KLF12: variants seen among roughly 807,000 people sequenced by gnomAD.
KLF12 encodes KLF transcription factor 12.
In KLF12, 9 loss-of-function variants were observed where a neutral mutation model predicts 37.8. The ratio of observed to expected loss-of-function variants is 0.24; its 90% CI spans 0.14 to 0.42. KLF12 has a LOEUF of 0.42. KLF12 is among the 10% of genes least tolerant of loss of function. KLF12 has a pLI of 1.00. For missense variants in KLF12, 411 were observed against 516.0 expected (o/e 0.80, Z 1.97); for synonymous variants, 208 against 202.1 (o/e 1.03, Z -0.25).
At chr13:73,749,039 G>C (rs1163781018) in intron 6 of KLF12, among the ~76,000 whole-genome samples, 2 of 152,154 alleles carry the variant, frequency 1.3e-5, no homozygotes, top group Non-Finnish European at 2.9e-5. Context: ...ATTTCCTATA[G>C]AGTACCTATG....
intron 1 of KLF12, among the ~76,000 whole-genome samples, chr13:74,080,906 A>C (rs1874847236): frequency 6.6e-6 from 1 of 152,226 alleles, no homozygotes; most frequent in African/African-American, 2.4e-5. Context: ...CTCTCTCTCT[A>C]CAACATGCCA....
rs1028834822 is a variant in KLF12, at chr13:73,915,145, T to C, written c.123+28836A>G. ...CTGGCTCCTGTCTGCGTCACTCCAA[T>C]TTCTGTTCCATCCTCACACTGTCTT... On this transcript the variant is annotated intron_variant, in intron 3 of 7. Coordinates refer to ENST00000377669, the MANE Select transcript of KLF12 (RefSeq NM_007249.5). Among the ~76,000 whole-genome samples the C allele has an allele frequency of 6.6e-5, 10 of 152,174 alleles. No homozygotes were observed. In the East Asian group the frequency reaches 1.9e-3, roughly 29 times the overall value.
intron 6 of KLF12, among the ~76,000 whole-genome samples, chr13:73,719,791 G>A (rs894732159): frequency 4.6e-5 from 7 of 151,856 alleles, no homozygotes; most frequent in South Asian, 2.1e-4. Flanking sequence ...TTGTGGAGAC[G>A]GGGTTTTGTT....
chr13:73,915,701 T>A (rs1282030938), intron 3 of KLF12, among the ~76,000 whole-genome samples: 4 of 147,730 alleles, frequency 2.7e-5, no homozygotes, highest in Non-Finnish European at 4.5e-5. Flanking sequence ...TTTTTTTTTT[T>A]TTTTTTTTTT....
chr13:74,178,417 T>A, the KLF12 span, among the ~76,000 whole-genome samples: 1 of 152,284 alleles, frequency 6.6e-6, no homozygotes, highest in East Asian at 1.9e-4. Context: ...GGGAAAAAGG[T>A]CAGAACAAAT....
intron 3 of KLF12, among the ~76,000 whole-genome samples, chr13:73,928,829 T>C (rs977022727): frequency 2.6e-5 from 4 of 152,200 alleles, no homozygotes; most frequent in Non-Finnish European, 5.9e-5. Flanking sequence ...TAATTACAGC[T>C]GTCCTCATTG....
the KLF12 span, among the ~76,000 whole-genome samples, chr13:74,208,219 AC>A: frequency 6.6e-6 from 1 of 152,208 alleles, no homozygotes; most frequent in South Asian, 2.1e-4. Flanking sequence ...AGAATCAAAC[AC>A]ATTGAAGAGG....
At chr13:74,049,900 A>G (rs1244451529) in intron 1 of KLF12, among the ~76,000 whole-genome samples, 2 of 152,222 alleles carry the variant, frequency 1.3e-5, no homozygotes. Context: ...ACATGTCCTA[A>G]CACTGTTGCT....
Position 74,090,847 on chromosome 13 carries a change from T to C in KLF12, c.-32+42892A>G, listed in dbSNP as rs368501792. Reference sequence around the variant, plus strand: ...CAGGACAAAACTTTCAATTTTGATATAGCCCAATTCATTAAAAAACATAAA... The same window carrying C: ...CAGGACAAAACTTTCAATTTTGATACAGCCCAATTCATTAAAAAACATAAA... On this transcript the variant is annotated intron_variant, in intron 1 of 7. Coordinates refer to ENST00000377669, the MANE Select transcript of KLF12 (RefSeq NM_007249.5). 2.8e-4 allele frequency among the ~76,000 whole-genome samples: 42 copies of C among 151,276 alleles called. 1 individual carries two copies. The highest frequency in any genetic ancestry group is 1.0e-3 in the African/African-American group (42 of 41,212).
intron 6 of KLF12, among the ~76,000 whole-genome samples, chr13:73,732,853 C>A (rs1164962427): frequency 6.6e-6 from 1 of 152,126 alleles, no homozygotes; most frequent in Non-Finnish European, 1.5e-5. Flanking sequence ...CAAAGCTGAA[C>A]TAGTGATGCT....
intron 7 of KLF12, 105 bp from the exon 8 acceptor site, chr13:73,695,776 C>A: frequency 9.2e-7 from 1 of 1,090,996 alleles, no homozygotes; most frequent in East Asian, 2.4e-5. Flanking sequence ...TGAATTTTCC[C>A]GTTGGTAAAT....
At chr13:74,030,575 C>G (rs537246307) in intron 1 of KLF12, among the ~76,000 whole-genome samples, 3 of 152,074 alleles carry the variant, frequency 2.0e-5, no homozygotes, top group African/African-American at 7.2e-5. Context: ...TTTCCTCCCA[C>G]GCTCTCTCTC....
At chr13:74,301,517 TTTA>T in the KLF12 span, among the ~76,000 whole-genome samples, 1 of 152,170 alleles carries the variant, frequency 6.6e-6, no homozygotes, top group Non-Finnish European at 1.5e-5. Context: ...CTTCGTGAGT[TTTA>T]TTATTTTTAG....
At chr13:73,840,174 C>T (rs1036724531) in intron 4 of KLF12, among the ~76,000 whole-genome samples, 1 of 152,140 alleles carries the variant, frequency 6.6e-6, no homozygotes, top group Non-Finnish European at 1.5e-5. Context: ...GCATTTGATA[C>T]CATTGACAAG....
At chr13:74,034,914 C>T (rs1428386427) in intron 1 of KLF12, among the ~76,000 whole-genome samples, 1 of 152,212 alleles carries the variant, frequency 6.6e-6, no homozygotes, top group Non-Finnish European at 1.5e-5. Flanking sequence ...TTTATCCCAA[C>T]CCATATACCT....
At chr13:73,873,383 T>C (rs1002540468) in intron 3 of KLF12, among the ~76,000 whole-genome samples, 1 of 152,192 alleles carries the variant, frequency 6.6e-6, no homozygotes, top group Non-Finnish European at 1.5e-5. Flanking sequence ...ATTTCATCAC[T>C]AGACTGATTT....
At chr13:74,241,171 C>T in the KLF12 span, among the ~76,000 whole-genome samples, 1 of 151,748 alleles carries the variant, frequency 6.6e-6, no homozygotes, top group Non-Finnish European at 1.5e-5. Flanking sequence ...CAGACAGGAC[C>T]CTCAGCTGCA....
chr13:73,695,870 C>T (rs1874110147), intron 7 of KLF12, among the ~76,000 whole-genome samples, 199 bp from the exon 8 acceptor site: 1 of 152,206 alleles, frequency 6.6e-6, no homozygotes, highest in African/African-American at 2.4e-5. Context: ...GCTGTGACAT[C>T]TGGCAAGCTA....
chr13:73,981,540 T>C (rs1439867375), intron 2 of KLF12, among the ~76,000 whole-genome samples: 1 of 152,242 alleles, frequency 6.6e-6, no homozygotes, highest in Non-Finnish European at 1.5e-5. Context: ...ACTATTCATA[T>C]GTCTCAAAAC....
Sources: gnomAD v4.1 joint callset for allele counts (sites outside exome capture counted in the v4.1 genomes callset) on GRCh38, gnomAD v4.1.1 for gene constraint, MANE v1.5 for transcripts, NCBI Gene and HGNC (gene_info 2026-07-23, HGNC 2026-07-21) for gene names.